CEP70: variants seen among roughly 807,000 people sequenced by gnomAD.
CEP70 encodes the protein centrosomal protein of 70 kDa.
Under a neutral mutation model 90.9 loss-of-function variants are expected in CEP70, and 70 were observed. That is an observed-to-expected ratio of 0.77 (90% CI 0.64 to 0.94). The LOEUF (loss-of-function observed/expected upper bound fraction) is 0.94. CEP70 is among the 40% of genes least tolerant of loss of function. The pLI is 0.00. For synonymous variants in CEP70, 220 were observed against 228.3 expected (o/e 0.96, Z 0.33); for missense variants, 648 against 669.0 (o/e 0.97, Z 0.35).
At chr3:138,538,431 T>TA in intron 6 of CEP70, among the ~76,000 whole-genome samples, 1 of 152,190 alleles carries the variant, frequency 6.6e-6, no homozygotes, top group South Asian at 2.1e-4. Context: ...GCCAGAGCTG[T>TA]AGCAAACCTG....
chr3:138,571,939 C>T (rs750092980), intron 3 of CEP70, among the ~76,000 whole-genome samples: 29 of 152,054 alleles, frequency 1.9e-4, no homozygotes, highest in Non-Finnish European at 4.0e-4. Flanking sequence ...CCACCACGCC[C>T]GGCTAATTTT....
intron 2 of CEP70, among the ~76,000 whole-genome samples, chr3:138,587,731 G>C (rs1353620760): frequency 6.6e-6 from 1 of 152,144 alleles, no homozygotes; most frequent in Non-Finnish European, 1.5e-5. Flanking sequence ...AGCTATGATT[G>C]TGCCACTGCA....
At chr3:138,516,059 T>C (rs982045807) in intron 11 of CEP70, among the ~76,000 whole-genome samples, 1 of 152,226 alleles carries the variant, frequency 6.6e-6, no homozygotes, top group Non-Finnish European at 1.5e-5. Context: ...CCTTTGACCA[T>C]GTCACTACCA....
At chr3:138,545,285 A>G (rs1368271796) in intron 6 of CEP70, among the ~76,000 whole-genome samples, 1 of 152,164 alleles carries the variant, frequency 6.6e-6, no homozygotes, top group Non-Finnish European at 1.5e-5. Flanking sequence ...CAAAATTAAT[A>G]CTTTTATAAT....
intron 2 of CEP70, 126 bp from the exon 3 acceptor site, chr3:138,573,058 G>C: frequency 1.5e-6 from 1 of 660,630 alleles, no homozygotes. Context: ...TACTCTTGCA[G>C]GGCAATTCAG....
chr3:138,522,563 A>G lies in CEP70; in HGVS notation c.944+2927T>C, dbSNP rs187515962. ...GGATATCACCACAGATCCCACAGAA[A>G]TACAAACTACCATCGGAGAATACTA... On this transcript the variant is annotated intron_variant, in intron 11 of 17. Coordinates refer to ENST00000264982, the MANE Select transcript of CEP70 (RefSeq NM_024491.4). 2.8e-3 allele frequency among the ~76,000 whole-genome samples: 428 copies of G among 152,350 alleles called. 4 individuals carry two copies. Among genetic ancestry groups the G allele is most frequent in the African/African-American group, 9.9e-3 (412 of 41,586 alleles).
At chr3:138,583,716 A>G (rs1010069001) in intron 2 of CEP70, among the ~76,000 whole-genome samples, 4 of 152,222 alleles carry the variant, frequency 2.6e-5, no homozygotes, top group Non-Finnish European at 4.4e-5. Flanking sequence ...TCAGTGGGTC[A>G]ATGAAGAGAT....
intron 6 of CEP70, among the ~76,000 whole-genome samples, chr3:138,558,364 CA>C (rs1049816721): frequency 6.6e-6 from 1 of 151,850 alleles, no homozygotes; most frequent in Non-Finnish European, 1.5e-5. Context: ...GACTCCGTCT[CA>C]AAAAAGAAAA....
chr3:138,557,359 C>T lies in CEP70; in HGVS notation c.465+12959G>A, dbSNP rs745812672. On this transcript the variant is annotated intron_variant, in intron 6 of 17. Coordinates refer to ENST00000264982, the MANE Select transcript of CEP70 (RefSeq NM_024491.4). Reference sequence around the variant, plus strand: ...ACGCAATCATCACAGGGTCCTGAGGCGACATACATCCTCCTCAGCTGACAG... The same window carrying T: ...ACGCAATCATCACAGGGTCCTGAGGTGACATACATCCTCCTCAGCTGACAG... Among the ~76,000 whole-genome samples the T allele has an allele frequency of 7.2e-5, 11 of 152,154 alleles. 1 individual carries two copies. The South Asian group carries it at 1.0e-3, about 14-fold the overall frequency.
chr3:138,509,224 A>T (rs763598805), intron 11 of CEP70, among the ~76,000 whole-genome samples: 6 of 152,188 alleles, frequency 3.9e-5, no homozygotes, highest in Non-Finnish European at 5.9e-5. Context: ...CTTCCATCCA[A>T]CGTGCTCCAA....
intron 2 of CEP70, among the ~76,000 whole-genome samples, chr3:138,590,408 TC>T (rs2042323407): frequency 6.6e-6 from 1 of 152,146 alleles, no homozygotes; most frequent in Non-Finnish European, 1.5e-5. Context: ...GTATCCTAGC[TC>T]TGTCTACTGA....
chr3:138,533,718 AG>A (rs1326331697), intron 7 of CEP70, among the ~76,000 whole-genome samples: 2 of 152,212 alleles, frequency 1.3e-5, no homozygotes, highest in African/African-American at 4.8e-5. Context: ...GGATTAGGAA[AG>A]CAAGCAGATT....
At chr3:138,587,530 C>G (rs974522712) in intron 2 of CEP70, among the ~76,000 whole-genome samples, 5 of 151,194 alleles carry the variant, frequency 3.3e-5, no homozygotes, top group Admixed American at 6.6e-5. Flanking sequence ...CACCTGTAAT[C>G]CCAGCACTCT....
chr3:138,507,459 TA>T (rs1171725283), intron 12 of CEP70, among the ~76,000 whole-genome samples: 3 of 152,126 alleles, frequency 2.0e-5, no homozygotes, highest in South Asian at 2.1e-4. Context: ...ATATAGCCAA[TA>T]AAAAAAATTT....
chr3:138,527,361 T>C (rs1270860581), intron 10 of CEP70, among the ~76,000 whole-genome samples: 1 of 151,228 alleles, frequency 6.6e-6, no homozygotes, highest in Non-Finnish European at 1.5e-5. Flanking sequence ...GAACGCTTCA[T>C]GAATTTGCGT....
chr3:138,530,605 T>C lies in CEP70; in HGVS notation c.693-1143A>G, dbSNP rs2037728981. 5 of 985,382 alleles carry C rather than the reference T, an allele frequency of 5.1e-6. No individual in the cohort carries two copies. The South Asian group carries it at 1.9e-4, about 37-fold the overall frequency. 61.0% of individuals were successfully genotyped at this position (985,382 alleles called of 1,614,324 possible). A position where few individuals can be genotyped will look rare whatever the true frequency, so the allele number is the denominator to read the frequency against. ...CTGCGAGAGGCCCATGTCCCACCTGTCTTCTTCCTTTGGTCTTGCTGCTTC... is the reference window on the plus strand; with the variant it reads ...CTGCGAGAGGCCCATGTCCCACCTGCCTTCTTCCTTTGGTCTTGCTGCTTC... On this transcript the variant is annotated intron_variant, in intron 8 of 17. Transcript: ENST00000264982.
rs147732265 is a variant in CEP70 at position 138,590,767 on chromosome 3, T to C, written c.-6+1087A>G. Reference sequence around the variant, plus strand: ...CAGAGGTTGCAGACAGCTGAGATCGTGCCACTGCACTCCAGCCTGGACAAC... The same window carrying C: ...CAGAGGTTGCAGACAGCTGAGATCGCGCCACTGCACTCCAGCCTGGACAAC... On this transcript the variant is annotated intron_variant, in intron 2 of 17. Coordinates refer to ENST00000264982, the MANE Select transcript of CEP70 (RefSeq NM_024491.4). 5.6e-3 allele frequency among the ~76,000 whole-genome samples: 851 copies of C among 151,778 alleles called. 7 individuals carry two copies. Among genetic ancestry groups the C allele is most frequent in the African/African-American group, 0.02 (819 of 41,386 alleles).
chr3:138,500,673 C>T, intron 14 of CEP70, 62 bp downstream of exon 14: 2 of 1,493,068 alleles, frequency 1.3e-6, no homozygotes, highest in South Asian at 1.4e-5. Flanking sequence ...ATATCAATAT[C>T]CACAATTTAT....
intron 11 of CEP70, among the ~76,000 whole-genome samples, chr3:138,518,942 T>G (rs1330948131): frequency 6.6e-6 from 1 of 151,988 alleles, no homozygotes; most frequent in African/African-American, 2.4e-5. Flanking sequence ...GAAAAAAAAT[T>G]AGACGAATGA....
Sources: gnomAD v4.1 joint callset for allele counts (sites outside exome capture counted in the v4.1 genomes callset) on GRCh38, gnomAD v4.1.1 for gene constraint, MANE v1.5 for transcripts, NCBI Gene and HGNC (gene_info 2026-07-23, HGNC 2026-07-21) for gene names.